The following DYRK4 variants were observed in gnomAD, a reference collection of about 807,000 sequenced individuals.
DYRK4 encodes dual specificity tyrosine-phosphorylation-regulated kinase 4.
Under a neutral mutation model 68.3 loss-of-function variants are expected in DYRK4, and 64 were observed. That is an observed-to-expected ratio of 0.94 (90% confidence interval 0.77 to 1.15). The LOEUF is 1.15. Ranked by LOEUF, DYRK4 falls within the 50% of genes most tolerant of loss-of-function variation. The pLI is 0.00. For missense variants in DYRK4, 740 were observed against 764.7 expected, an observed-to-expected ratio of 0.97 and a Z score of 0.38; for synonymous variants, 274 against 289.9, an observed-to-expected ratio of 0.95 and a Z score of 0.56.
intron 1 of DYRK4, among the ~76,000 whole-genome samples, chr12:4,566,307 C>A (rs1246741287): frequency 1.3e-5 from 2 of 152,200 alleles, no homozygotes; most frequent in African/African-American, 2.4e-5. Context: ...GACTACGTGC[C>A]CCTTTACAAC....
chr12:4,568,514 T>C (rs894942022), intron 2 of DYRK4, among the ~76,000 whole-genome samples: 5 of 152,014 alleles, frequency 3.3e-5, no homozygotes, highest in African/African-American at 4.8e-5. Context: ...GCCTCCCAAG[T>C]AGCTGGGATT....
At chr12:4,568,860 T>G (rs1052551712) in intron 2 of DYRK4, among the ~76,000 whole-genome samples, 14 of 152,224 alleles carry the variant, frequency 9.2e-5, no homozygotes, top group African/African-American at 2.9e-4. Flanking sequence ...CCACTCAGTT[T>G]GAATTTCTTA....
At chr12:4,603,323 C>CT (rs1373336699) in intron 10 of DYRK4, 2 of 692,692 alleles carry the variant, frequency 2.9e-6, no homozygotes, top group Non-Finnish European at 4.7e-6. Flanking sequence ...GCTGGCATCA[C>CT]TTTTTTCATT....
At chr12:4,599,262 G>A in intron 9 of DYRK4, 96 bp downstream of exon 9, 1 of 890,122 alleles carries the variant, frequency 1.1e-6, no homozygotes, top group Non-Finnish European at 1.6e-6. Flanking sequence ...TCAAATAATT[G>A]CCTTTGACTT....
At chr12:4,586,998 C>A (rs12580380) in intron 2 of DYRK4, among the ~76,000 whole-genome samples, 2 of 152,120 alleles carry the variant, frequency 1.3e-5, no homozygotes, top group African/African-American at 4.8e-5. Flanking sequence ...GTAGTGGAAC[C>A]AGGAATCAAA....
intron 2 of DYRK4, among the ~76,000 whole-genome samples, chr12:4,572,272 G>A (rs1262507411): frequency 1.3e-5 from 2 of 152,080 alleles, no homozygotes. Flanking sequence ...AGAATCTTTA[G>A]GGGTCATGGA....
chr12:4,601,484 G>A (rs760557411), intron 10 of DYRK4, among the ~76,000 whole-genome samples: 3 of 152,082 alleles, frequency 2.0e-5, no homozygotes, highest in South Asian at 2.1e-4. Flanking sequence ...ATAAATTAAC[G>A]CTGTAATACC....
chr12:4,567,967 T>G lies in DYRK4; in HGVS notation c.51T>G (p.Asp17Glu). ...PIRTGTKTQMDAKKPRKCDLT... is the reference protein window; with the variant it reads ...PIRTGTKTQMEAKKPRKCDLT... ...TTCCCTCATGCAGGACTCAAATGGA[T>G]GCTAAAAAGCCAAGGAAATGTGATT... Residue 17 changes from aspartate (D) to glutamate (E), a missense_variant, in exon 2 of 15, where the codon GAT becomes GAG. Asp to Glu is a conservative substitution (Grantham distance 45, BLOSUM62 2). Around this residue, in one of 3 missense-constraint regions of DYRK4, gnomAD observed 70 missense variants for 71.1 expected, o/e 0.98. Transcript: ENST00000543431. 6.5e-7 allele frequency: 1 copy of G among 1,536,138 alleles called. No homozygotes were observed. The highest frequency in any genetic ancestry group is 8.7e-7 in the Non-Finnish European group (1 of 1,146,892).
chr12:4,576,184 C>T (rs2137333134), intron 2 of DYRK4, among the ~76,000 whole-genome samples: 1 of 152,238 alleles, frequency 6.6e-6, no homozygotes, highest in East Asian at 1.9e-4. Flanking sequence ...TTCATCCTTT[C>T]CCCCCAACAA....
chr12:4,563,479 T>C (rs1336052726), intron 1 of DYRK4, among the ~76,000 whole-genome samples: 1 of 152,196 alleles, frequency 6.6e-6, no homozygotes, highest in African/African-American at 2.4e-5. Flanking sequence ...TTGTGATGGC[T>C]CCCCAAAGAG....
chr12:4,602,361 C>T (rs1945091233), intron 10 of DYRK4: 1 of 907,698 alleles, frequency 1.1e-6, no homozygotes, highest in African/African-American at 1.7e-5. Context: ...GCTTTTCTCT[C>T]TTTTGTTCTC....
chr12:4,579,644 C>A (rs903263882), intron 2 of DYRK4, among the ~76,000 whole-genome samples: 1 of 152,120 alleles, frequency 6.6e-6, no homozygotes, highest in East Asian at 1.9e-4. Context: ...CTATCTAAAT[C>A]GATAGAAATA....
At chr12:4,599,946 T>G (rs766196316) in intron 10 of DYRK4, among the ~76,000 whole-genome samples, 158 bp downstream of exon 10, 4 of 152,224 alleles carry the variant, frequency 2.6e-5, no homozygotes, top group Admixed American at 2.6e-4. Flanking sequence ...AGTTGCCTCA[T>G]CTACAATTTG....
chr12:4,604,037 C>T (rs745764124), intron 10 of DYRK4, among the ~76,000 whole-genome samples: 2 of 152,120 alleles, frequency 1.3e-5, no homozygotes, highest in African/African-American at 2.4e-5. Flanking sequence ...CTCTGTATGC[C>T]TCAGTTTTCT....
In DYRK4 at chr12:4,593,064, G is replaced by A. The variant is rs12306130; in HGVS notation, c.526G>A (p.Ala176Thr). The stretch of plus-strand genomic sequence containing the variant: ...TGAACAAAGTGAAATCCTGGGCTAC[G>A]CGGAGCTGTGGTTCCTGGGTCTTGA... The part of the protein sequence containing the change: ...PYEQSEILGY[A>T]ELWFLGLEAK... The change falls in exon 6 of 15, where the codon GCG becomes ACG. Residue 176 changes from alanine (A) to threonine (T), a missense_variant. Ala to Thr is a moderately conservative substitution (Grantham distance 58, BLOSUM62 0). Transcript: ENST00000543431. The A allele has an allele frequency of 7.7e-3, 12,365 of 1,614,124 alleles. 535 individuals carry two copies. The African/African-American group carries it at 0.11, about 15-fold the overall frequency.
At chr12:4,571,566 T>A (rs1944730426) in intron 2 of DYRK4, among the ~76,000 whole-genome samples, 1 of 152,210 alleles carries the variant, frequency 6.6e-6, no homozygotes, top group Admixed American at 6.5e-5. Context: ...TAGTAATTTT[T>A]ATAGTTGGGT....
intron 6 of DYRK4, among the ~76,000 whole-genome samples, chr12:4,594,716 T>G (rs1565538731): frequency 6.6e-6 from 1 of 151,886 alleles, no homozygotes; most frequent in African/African-American, 2.4e-5. Flanking sequence ...AGCCTTTTTT[T>G]TTTTTGGTGA....
At chr12:4,574,709 A>G (rs1944768850) in intron 2 of DYRK4, among the ~76,000 whole-genome samples, 1 of 152,004 alleles carries the variant, frequency 6.6e-6, no homozygotes, top group South Asian at 2.1e-4. Context: ...TGCGTTTGCT[A>G]TTTATTTTTT....
chr12:4,588,826 T>G (rs2041293), intron 2 of DYRK4, 111 bp from the exon 3 acceptor site: 528,863 of 979,306 alleles, frequency 0.54, 148,403 homozygotes, highest in African/African-American at 0.8. Flanking sequence ...CAGCTAAGGA[T>G]TCAGGAGAGC....
Sources: gnomAD v4.1 joint callset for allele counts (sites outside exome capture counted in the v4.1 genomes callset) on GRCh38, gnomAD v4.1.1 for gene constraint, gnomAD v4.1.1 regional missense constraint, MANE v1.5 for transcripts, NCBI Gene and HGNC (gene_info 2026-07-23, HGNC 2026-07-21) for gene names.